Variants in TBL1XR1 observed in about 807,000 individuals in gnomAD.
TBL1XR1 encodes TBL1X/Y related 1.
A neutral mutation model predicts 66.9 loss-of-function variants in TBL1XR1; 5 were observed. The observed-to-expected ratio is 0.07, with a 90% CI of 0.04 to 0.16. The LOEUF (loss-of-function observed/expected upper bound fraction) is 0.16. Ranked by LOEUF, TBL1XR1 falls within the 10% of genes least tolerant of loss-of-function variation. The probability of loss-of-function intolerance (pLI) is 1.00; values close to 1 mark genes in which losing one functional copy is unlikely to be tolerated. For synonymous variants in TBL1XR1, 210 were observed against 206.0 expected (o/e 1.02, Z -0.17); for missense variants, 238 against 623.2 (o/e 0.38, Z 6.58).
chr3:177,129,551 T>TA (rs766261744), intron 1 of TBL1XR1, among the ~76,000 whole-genome samples: 1 of 152,206 alleles, frequency 6.6e-6, no homozygotes, highest in African/African-American at 2.4e-5. Context: ...ATAGATACTT[T>TA]AAGTCAGGAT....
At chr3:177,128,039 T>G (rs186443769) in intron 1 of TBL1XR1, among the ~76,000 whole-genome samples, 4 of 152,114 alleles carry the variant, frequency 2.6e-5, no homozygotes, top group Admixed American at 1.3e-4. Flanking sequence ...GCCAACATGG[T>G]GAAACCCCCA....
chr3:177,093,033 T>C (rs551395083), intron 2 of TBL1XR1, among the ~76,000 whole-genome samples: 1 of 152,238 alleles, frequency 6.6e-6, no homozygotes, highest in Non-Finnish European at 1.5e-5. Flanking sequence ...CTGTTGCTGT[T>C]TGCTGATAAT....
intron 2 of TBL1XR1, among the ~76,000 whole-genome samples, chr3:177,092,161 G>A (rs922713503): frequency 1.3e-5 from 2 of 152,146 alleles, no homozygotes; most frequent in African/African-American, 4.8e-5. Context: ...TTTCCTTTGA[G>A]TGTCGTGTTA....
intron 1 of TBL1XR1, among the ~76,000 whole-genome samples, chr3:177,185,298 T>G (rs373946781): frequency 6.6e-6 from 1 of 152,198 alleles, no homozygotes; most frequent in Admixed American, 6.5e-5. Context: ...TCCAGTCTTC[T>G]ACCCCTTAAG....
intron 14 of TBL1XR1, chr3:177,027,565 C>A (rs1209944770): frequency 6.6e-6 from 1 of 152,164 alleles, no homozygotes; most frequent in Non-Finnish European, 1.5e-5. Context: ...AGAAAAGTGA[C>A]CTCTGCAGCT....
intron 1 of TBL1XR1, among the ~76,000 whole-genome samples, chr3:177,129,546 T>G (rs1299581746): frequency 6.6e-6 from 1 of 152,184 alleles, no homozygotes; most frequent in East Asian, 1.9e-4. Context: ...AATGAATAGA[T>G]ACTTTAAGTC....
chr3:177,070,255 A>T (rs1719794327), intron 2 of TBL1XR1, among the ~76,000 whole-genome samples: 1 of 152,096 alleles, frequency 6.6e-6, no homozygotes, highest in African/African-American at 2.4e-5. Flanking sequence ...TTGCCCACAG[A>T]CATTGACTTC....
intron 1 of TBL1XR1, among the ~76,000 whole-genome samples, chr3:177,162,073 T>C (rs943492530): frequency 1.3e-5 from 2 of 152,216 alleles, no homozygotes; most frequent in South Asian, 2.1e-4. Context: ...TAAACATATA[T>C]CTACATCCTA....
chr3:177,050,837 T>TG (rs1716975067), intron 5 of TBL1XR1, among the ~76,000 whole-genome samples: 1 of 73,010 alleles, frequency 1.4e-5, no homozygotes, highest in African/African-American at 5.4e-5. Context: ...GGGGTGGGGG[T>TG]GGGAGTGGGA....
At chr3:177,144,559 C>A (rs1161707337) in intron 1 of TBL1XR1, among the ~76,000 whole-genome samples, 1 of 151,898 alleles carries the variant, frequency 6.6e-6, no homozygotes, top group African/African-American at 2.4e-5. Context: ...CGAGACCATC[C>A]TGGCTAGCAC....
intron 2 of TBL1XR1, among the ~76,000 whole-genome samples, chr3:177,088,731 A>C (rs1332316021): frequency 1.3e-5 from 2 of 152,072 alleles, no homozygotes; most frequent in African/African-American, 2.4e-5. Context: ...AAAAGAAAAG[A>C]AAAGCCTAGA....
At chr3:177,074,087 G>C (rs1214264251) in intron 2 of TBL1XR1, among the ~76,000 whole-genome samples, 2 of 152,136 alleles carry the variant, frequency 1.3e-5, no homozygotes, top group Admixed American at 1.3e-4. Flanking sequence ...GCTACATAAG[G>C]AATAAAGGGA....
At chr3:177,046,809 C>CT (rs1716387109) in intron 9 of TBL1XR1, among the ~76,000 whole-genome samples, 2 of 152,152 alleles carry the variant, frequency 1.3e-5, no homozygotes, top group African/African-American at 4.8e-5. Context: ...TTAGCATGCC[C>CT]TTTCCTGGAT....
rs755557509 is a variant in TBL1XR1, at chr3:177,035,939, G to C, written c.1123-1614C>G. Among the ~76,000 whole-genome samples, 5 of 152,274 alleles carry C rather than the reference G, an allele frequency of 3.3e-5. No individual in the cohort carries two copies. In the South Asian group the frequency reaches 1.0e-3, roughly 32 times the overall value. On this transcript the variant is annotated intron_variant, in intron 12 of 15. Coordinates refer to ENST00000457928, the MANE Select transcript of TBL1XR1 (RefSeq NM_024665.7). ...ACAAAGGCTTGAGTCAACACCATTA[G>C]AGGGTAACTGACATTGTGGACTTCC... is the stretch of plus-strand genomic sequence containing the variant.
intron 1 of TBL1XR1, among the ~76,000 whole-genome samples, chr3:177,163,014 C>T (rs1239338066): frequency 6.6e-6 from 1 of 152,122 alleles, no homozygotes; most frequent in Non-Finnish European, 1.5e-5. Context: ...TACAAATGCA[C>T]GTATCCTTTG....
At chr3:177,037,808 C>CCA in intron 12 of TBL1XR1, 20 of 252,416 alleles carry the variant, frequency 7.9e-5, no homozygotes, top group East Asian at 1.7e-4. Context: ...ATCCATCCAT[C>CCA]TTCTTATTGG....
chr3:177,173,463 T>C (rs1474871875), intron 1 of TBL1XR1, among the ~76,000 whole-genome samples: 1 of 152,178 alleles, frequency 6.6e-6, no homozygotes, highest in Non-Finnish European at 1.5e-5. Context: ...GTCCCCTGTT[T>C]GATATGATGT....
chr3:177,175,200 A>G (rs944564871), intron 1 of TBL1XR1, among the ~76,000 whole-genome samples: 7 of 152,238 alleles, frequency 4.6e-5, no homozygotes, highest in South Asian at 4.1e-4. Flanking sequence ...GTACTACTTA[A>G]CAAACACAGT....
intron 1 of TBL1XR1, among the ~76,000 whole-genome samples, chr3:177,191,941 G>A (rs1458907518): frequency 1.3e-5 from 2 of 150,822 alleles, no homozygotes; most frequent in Non-Finnish European, 3.0e-5. Flanking sequence ...AAAGATACAA[G>A]AAATTAGCCA....
Sources: allele counts gnomAD v4.1 joint callset (sites outside exome capture counted in the v4.1 genomes callset), GRCh38; gene constraint gnomAD v4.1.1; transcripts MANE v1.5; gene names NCBI Gene and HGNC (gene_info 2026-07-23, HGNC 2026-07-21).